The following SOCS2 variants were observed in gnomAD, a reference collection of about 807,000 sequenced individuals.
The protein encoded by SOCS2 is suppressor of cytokine signaling 2, also known as CIS-2.
Under a neutral mutation model 18.6 loss-of-function variants are expected in SOCS2, and 10 were observed. The ratio of observed to expected loss-of-function variants is 0.54; its 90% CI spans 0.33 to 0.91. The LOEUF (loss-of-function observed/expected upper bound fraction) is 0.91. SOCS2 is among the 40% of genes least tolerant of loss of function. The probability of loss-of-function intolerance (pLI) is 0.02; values close to 1 mark genes in which losing one functional copy is unlikely to be tolerated. For synonymous variants in SOCS2, 104 were observed against 104.0 expected (o/e 1.00, Z 0.00); for missense variants, 231 against 247.2 (o/e 0.93, Z 0.44).
At chr12:93,614,508 C>T in the SOCS2 span, among the ~76,000 whole-genome samples, 6 of 64,504 alleles carry the variant, frequency 9.3e-5, no homozygotes, top group East Asian at 1.5e-3. Flanking sequence ...TCCTTCCTTC[C>T]TTCCTTCCTT....
chr12:93,600,727 T>C, the SOCS2 span, among the ~76,000 whole-genome samples: 6 of 151,716 alleles, frequency 4.0e-5, no homozygotes, highest in African/African-American at 1.4e-4. Flanking sequence ...TTTTTTTTTT[T>C]ACTATTGTTA....
chr12:93,617,548 G>T, the SOCS2 span, among the ~76,000 whole-genome samples: 1 of 151,984 alleles, frequency 6.6e-6, no homozygotes, highest in African/African-American at 2.4e-5. Flanking sequence ...CAATTATTTG[G>T]CACTGTGGAG....
the SOCS2 span, among the ~76,000 whole-genome samples, chr12:93,598,430 G>C: frequency 6.6e-6 from 1 of 152,164 alleles, no homozygotes; most frequent in African/African-American, 2.4e-5. Context: ...GCCATTGAAA[G>C]GTATAAGCAG....
At position 93,576,394 on chromosome 12, in the gene SOCS2, T is replaced by C. The variant is rs748522131; in HGVS notation, c.*1215T>C. ...AAGCATGGTTTAGAAACTACAGGCA[T>C]TGTCAAGTGGCCGGGTCTTTTATAA... is the stretch of plus-strand genomic sequence containing the variant. On this transcript the variant is annotated 3_prime_UTR_variant, in exon 2 of 2. Transcript: ENST00000551556. The C allele has an allele frequency of 8.5e-5, 13 of 152,244 alleles. No individual in the cohort carries two copies. Among genetic ancestry groups the C allele is most frequent in the African/African-American group, 1.2e-4 (5 of 41,456 alleles). 9.4% of individuals were successfully genotyped at this position (152,244 alleles called of 1,614,324 possible). A position where few individuals can be genotyped will look rare whatever the true frequency, so the allele number is the denominator to read the frequency against.
At chr12:93,605,100 A>G in the SOCS2 span, among the ~76,000 whole-genome samples, 19 of 152,040 alleles carry the variant, frequency 1.2e-4, no homozygotes, top group Admixed American at 9.8e-4. Flanking sequence ...GTGCTTTTAC[A>G]TTTTCTTACT....
chr12:93,606,360 T>C, the SOCS2 span, among the ~76,000 whole-genome samples: 2 of 151,850 alleles, frequency 1.3e-5, no homozygotes, highest in South Asian at 4.2e-4. Flanking sequence ...ACACTAGGAG[T>C]CAAGCCCAAG....
the SOCS2 span, among the ~76,000 whole-genome samples, chr12:93,625,524 G>T: frequency 6.6e-6 from 1 of 152,068 alleles, no homozygotes; most frequent in African/African-American, 2.4e-5. Context: ...CAGGCGAGTG[G>T]ATCACCAGAG....
the SOCS2 span, among the ~76,000 whole-genome samples, chr12:93,614,137 G>A: frequency 6.6e-5 from 10 of 151,652 alleles, no homozygotes; most frequent in African/African-American, 2.2e-4. Flanking sequence ...GAAGCCACTC[G>A]CTCTCTCAAC....
chr12:93,602,489 G>A, the SOCS2 span, among the ~76,000 whole-genome samples: 53 of 152,178 alleles, frequency 3.5e-4, no homozygotes, highest in Admixed American at 7.8e-4. Context: ...ACAACATATC[G>A]GCATGAGAAT....
downstream of SOCS2, among the ~76,000 whole-genome samples, chr12:93,583,902 A>T (rs915214134): frequency 6.6e-6 from 1 of 152,244 alleles, no homozygotes; most frequent in Non-Finnish European, 1.5e-5. Flanking sequence ...ACTTACACAG[A>T]TTAAATGATT....
the SOCS2 span, among the ~76,000 whole-genome samples, chr12:93,600,067 T>G: frequency 6.6e-6 from 1 of 152,242 alleles, no homozygotes; most frequent in East Asian, 1.9e-4. Context: ...TTCTTTACAT[T>G]TTGTGTTTTC....
intron 1 of SOCS2, 108 bp downstream of exon 1, chr12:93,573,144 C>T (rs1312282600): frequency 7.1e-7 from 1 of 1,399,588 alleles, no homozygotes; most frequent in Admixed American, 2.1e-5. Flanking sequence ...GAAATACGTC[C>T]CTTGCTTCCA....
upstream of SOCS2, chr12:93,572,625 C>A (rs1954295726): frequency 1.5e-6 from 1 of 668,646 alleles, no homozygotes; most frequent in Non-Finnish European, 2.7e-6. This position sits in a 1 kb window ranked among gnomAD's most constrained non-coding sequence, Gnocchi z 5.0. Flanking sequence ...TTTCCCCACC[C>A]CCACCCCAGC....
chr12:93,603,384 C>T, the SOCS2 span, among the ~76,000 whole-genome samples: 255 of 152,302 alleles, frequency 1.7e-3, no homozygotes, highest in African/African-American at 5.9e-3. Context: ...AGGTTAGGCC[C>T]TCTGCCTCAA....
chr12:93,603,210 T>C, the SOCS2 span, among the ~76,000 whole-genome samples: 5 of 152,328 alleles, frequency 3.3e-5, no homozygotes, highest in South Asian at 8.3e-4. Flanking sequence ...GACCGTCCTG[T>C]GGCAACAACA....
the SOCS2 span, among the ~76,000 whole-genome samples, chr12:93,622,530 ATGTC>A: frequency 1.3e-5 from 2 of 152,184 alleles, no homozygotes; most frequent in Non-Finnish European, 2.9e-5. Flanking sequence ...TGAAGAAGAG[ATGTC>A]TTTTTACTGG....
the SOCS2 span, among the ~76,000 whole-genome samples, chr12:93,614,478 C>CCTTTCTTTCTTT: frequency 1.4e-4 from 7 of 49,436 alleles, 1 homozygote; most frequent in African/African-American, 1.0e-3. Flanking sequence ...TTCCTTCCTT[C>CCTTTCTTTCTTT]CTTTCCTTCC....
chr12:93,605,744 G>A, the SOCS2 span, among the ~76,000 whole-genome samples: 54 of 152,346 alleles, frequency 3.5e-4, no homozygotes, highest in Middle Eastern at 3.4e-3. Context: ...AGCAGGGAAA[G>A]GAAATGTACT....
At chr12:93,602,726 C>T in the SOCS2 span, among the ~76,000 whole-genome samples, 2 of 152,108 alleles carry the variant, frequency 1.3e-5, no homozygotes, top group Admixed American at 1.3e-4. Flanking sequence ...CAAAACTCCC[C>T]TTCACTTCTC....
Sources: allele counts gnomAD v4.1 joint callset (sites outside exome capture counted in the v4.1 genomes callset), GRCh38; gene constraint gnomAD v4.1.1; non-coding constraint Gnocchi (gnomAD v3.1); transcripts MANE v1.5; gene names NCBI Gene and HGNC (gene_info 2026-07-23, HGNC 2026-07-21).